Variants in INPP4B observed in about 807,000 individuals in gnomAD.
INPP4B encodes inositol polyphosphate 4-phosphatase type II.
In INPP4B, 55 loss-of-function variants were observed where a neutral mutation model predicts 122.5. The ratio of observed to expected loss-of-function variants is 0.45; its 90% CI spans 0.36 to 0.56. INPP4B has a LOEUF of 0.56. INPP4B is among the 20% of genes least tolerant of loss of function. INPP4B has a pLI of 0.00. For missense variants in INPP4B, 1,000 were observed against 1,097.7 expected (o/e 0.91, Z 1.26); for synonymous variants, 403 against 388.7 (o/e 1.04, Z -0.43).
intron 2 of INPP4B, among the ~76,000 whole-genome samples, chr4:142,603,148 T>C (rs991549869): frequency 6.6e-6 from 1 of 152,110 alleles, no homozygotes; most frequent in African/African-American, 2.4e-5. Flanking sequence ...AAATACTGCA[T>C]GTTCTCACTT....
intron 16 of INPP4B, among the ~76,000 whole-genome samples, chr4:142,164,153 G>T (rs1821525265): frequency 6.6e-6 from 1 of 151,728 alleles, no homozygotes; most frequent in African/African-American, 2.4e-5. Flanking sequence ...AGAATTATCT[G>T]CAAGTATAAA....
intron 1 of INPP4B, among the ~76,000 whole-genome samples, chr4:142,825,270 A>G (rs1781318299): frequency 6.6e-6 from 1 of 152,158 alleles, no homozygotes; most frequent in Non-Finnish European, 1.5e-5. Flanking sequence ...ACTTATCACC[A>G]TCTGGAAATA....
At chr4:142,419,489 T>C (rs758035372) in intron 5 of INPP4B, among the ~76,000 whole-genome samples, 36 of 152,208 alleles carry the variant, frequency 2.4e-4, no homozygotes, top group African/African-American at 6.5e-4. Context: ...AATAATCTCT[T>C]TGTCACTGGT....
intron 7 of INPP4B, among the ~76,000 whole-genome samples, chr4:142,378,628 AGAG>A (rs1182478805): frequency 1.3e-5 from 2 of 152,164 alleles, no homozygotes; most frequent in Non-Finnish European, 2.9e-5. Context: ...CTCTCCTTAG[AGAG>A]GAGAATATGT....
intron 2 of INPP4B, among the ~76,000 whole-genome samples, chr4:142,698,901 AT>A (rs1361255048): frequency 2.0e-5 from 3 of 152,048 alleles, no homozygotes; most frequent in African/African-American, 7.2e-5. Flanking sequence ...TAGCTCAATA[AT>A]TTTTTACTCC....
intron 9 of INPP4B, among the ~76,000 whole-genome samples, chr4:142,293,285 C>T (rs540075429): frequency 6.6e-6 from 1 of 152,106 alleles, no homozygotes; most frequent in African/African-American, 2.4e-5. Flanking sequence ...GGTGATCCAC[C>T]CACCTCAGCT....
At chr4:142,286,864 G>C (rs997797362) in intron 9 of INPP4B, 12 of 152,224 alleles carry the variant, frequency 7.9e-5, no homozygotes, top group African/African-American at 2.9e-4. Flanking sequence ...TGATCAATTA[G>C]TTTATTGTCT....
chr4:142,589,166 G>C (rs1050624945), intron 2 of INPP4B, among the ~76,000 whole-genome samples: 5 of 151,834 alleles, frequency 3.3e-5, no homozygotes, highest in South Asian at 2.1e-4. Flanking sequence ...CAAGCACAAG[G>C]CTTCCATAAC....
chr4:142,381,489 T>C (rs1794057937), intron 7 of INPP4B, among the ~76,000 whole-genome samples: 1 of 152,096 alleles, frequency 6.6e-6, no homozygotes, highest in South Asian at 2.1e-4. Context: ...AGCCTCTGAA[T>C]TGCAAATAAT....
At chr4:142,240,263 A>G (rs963695122) in intron 11 of INPP4B, among the ~76,000 whole-genome samples, 2 of 151,768 alleles carry the variant, frequency 1.3e-5, no homozygotes, top group Admixed American at 1.3e-4. Flanking sequence ...TTAAACTCCA[A>G]ACTCCTGGGC....
chr4:142,224,969 G>A (rs1850905570), intron 12 of INPP4B, among the ~76,000 whole-genome samples: 1 of 152,136 alleles, frequency 6.6e-6, no homozygotes, highest in Admixed American at 6.5e-5. Context: ...TTAACATTAA[G>A]TGTCAACTTG....
intron 25 of INPP4B, among the ~76,000 whole-genome samples, chr4:142,037,708 A>T (rs1744829958): frequency 6.6e-6 from 1 of 152,208 alleles, no homozygotes; most frequent in South Asian, 2.1e-4. Flanking sequence ...ATTTGACTCA[A>T]CATTCATCTG....
chr4:142,510,403 T>C (rs1369014158), intron 2 of INPP4B, among the ~76,000 whole-genome samples: 2 of 152,218 alleles, frequency 1.3e-5, no homozygotes, highest in Non-Finnish European at 2.9e-5. Context: ...CATTTTCATT[T>C]ACTAAAAAAG....
chr4:142,082,299 A>G, intron 24 of INPP4B, 114 bp from the exon 25 acceptor site: 1 of 775,894 alleles, frequency 1.3e-6, no homozygotes, highest in Non-Finnish European at 1.9e-6. Flanking sequence ...GGTTTCTGTT[A>G]GTTTATGATA....
At chr4:142,447,198 G>A (rs1302900689) in intron 3 of INPP4B, among the ~76,000 whole-genome samples, 1 of 152,126 alleles carries the variant, frequency 6.6e-6, no homozygotes, top group Non-Finnish European at 1.5e-5. Flanking sequence ...GTATGGATCT[G>A]GCAGGGCGTG....
At chr4:142,640,318 A>G (rs1252299060) in intron 2 of INPP4B, among the ~76,000 whole-genome samples, 1 of 152,148 alleles carries the variant, frequency 6.6e-6, no homozygotes, top group Non-Finnish European at 1.5e-5. Context: ...ACCTACAGTA[A>G]TTAAAATTAT....
At chr4:142,309,760 T>G (rs967933039) in intron 8 of INPP4B, among the ~76,000 whole-genome samples, 2 of 152,200 alleles carry the variant, frequency 1.3e-5, no homozygotes, top group Non-Finnish European at 2.9e-5. Flanking sequence ...GTTATTCTGG[T>G]GCAAGAACCC....
intron 2 of INPP4B, among the ~76,000 whole-genome samples, chr4:142,622,828 T>C (rs570657787): frequency 4.6e-5 from 7 of 152,122 alleles, no homozygotes; most frequent in African/African-American, 1.4e-4. Context: ...ACTACAGAAA[T>C]TTTTTGGAAC....
At chr4:142,267,479 A>C (rs1285977480) in intron 10 of INPP4B, among the ~76,000 whole-genome samples, 5 of 152,230 alleles carry the variant, frequency 3.3e-5, no homozygotes, top group African/African-American at 1.2e-4. Context: ...CAGTCTCTTT[A>C]ACAAATTGTG....
Sources: gnomAD v4.1 joint callset for allele counts (sites outside exome capture counted in the v4.1 genomes callset) on GRCh38, gnomAD v4.1.1 for gene constraint, MANE v1.5 for transcripts, NCBI Gene and HGNC (gene_info 2026-07-23, HGNC 2026-07-21) for gene names.